FNDC3B: variants seen among roughly 807,000 people sequenced by gnomAD.
The protein encoded by FNDC3B is fibronectin type III domain-containing protein 3B.
A neutral mutation model predicts 151.5 loss-of-function variants in FNDC3B; 12 were observed. That is an observed-to-expected ratio of 0.08 (90% confidence interval 0.05 to 0.13). The LOEUF is 0.13. Among genes scored for constraint, FNDC3B ranks in the 10% least tolerant of loss-of-function variants. The probability of loss-of-function intolerance (pLI) is 1.00; values close to 1 mark genes in which losing one functional copy is unlikely to be tolerated. For missense variants in FNDC3B, 1,214 were observed against 1,505.3 expected, an observed-to-expected ratio of 0.81 and a Z score of 3.20; for synonymous variants, 528 against 549.0, an observed-to-expected ratio of 0.96 and a Z score of 0.54.
At chr3:172,313,046 T>C in intron 11 of FNDC3B, among the ~76,000 whole-genome samples, 1 of 152,318 alleles carries the variant, frequency 6.6e-6, no homozygotes, top group East Asian at 1.9e-4. Flanking sequence ...TCCTCTCACT[T>C]TTCTTAATTC....
Position 172,296,036 on chromosome 3 carries a change from C to T in FNDC3B, c.1001+522C>T, listed in dbSNP as rs185680990. Among the ~76,000 whole-genome samples, 182 of 152,246 alleles carry T rather than the reference C, an allele frequency of 1.2e-3. 2 individuals carry two copies. The highest frequency in any genetic ancestry group is 6.2e-3 in the South Asian group (30 of 4,826). On this transcript the variant is annotated intron_variant, in intron 8 of 25. Coordinates refer to ENST00000415807, the MANE Select transcript of FNDC3B (RefSeq NM_022763.4). ...TTTGGCTCACAGGGAAGGGATTAGC[C>T]CCTTCTGCTCTGTGGACTCCCAGGT...
At chr3:172,135,533 A>G (rs763868024) in intron 3 of FNDC3B, among the ~76,000 whole-genome samples, 1 of 152,162 alleles carries the variant, frequency 6.6e-6, no homozygotes, top group Non-Finnish European at 1.5e-5. Flanking sequence ...GGCTCCCTCC[A>G]GGCTTCCTAT....
chr3:172,335,189 A>G (rs575526354), intron 15 of FNDC3B, 107 bp downstream of exon 15: 123 of 1,219,972 alleles, frequency 1.0e-4, no homozygotes, highest in Non-Finnish European at 1.3e-4. Context: ...TGTGGATGGT[A>G]TTTGCAGAAG....
chr3:172,294,661 T>C (rs2108839519), intron 7 of FNDC3B, among the ~76,000 whole-genome samples: 1 of 152,308 alleles, frequency 6.6e-6, no homozygotes, highest in East Asian at 1.9e-4. Flanking sequence ...ATAAACAGGT[T>C]ACAGCTGTGG....
At chr3:172,196,040 C>T (rs1724804736) in intron 3 of FNDC3B, among the ~76,000 whole-genome samples, 1 of 152,126 alleles carries the variant, frequency 6.6e-6, no homozygotes, top group Non-Finnish European at 1.5e-5. Flanking sequence ...TTATAGAGGA[C>T]ACTTTCTGGG....
At chr3:172,086,502 G>T (rs1035406613) in intron 1 of FNDC3B, among the ~76,000 whole-genome samples, 1 of 152,266 alleles carries the variant, frequency 6.6e-6, no homozygotes, top group South Asian at 2.1e-4. Flanking sequence ...GGATAAATTA[G>T]ATTGTACAAT....
intron 4 of FNDC3B, among the ~76,000 whole-genome samples, chr3:172,233,222 A>G (rs1451181332): frequency 6.6e-6 from 1 of 152,244 alleles, no homozygotes; most frequent in African/African-American, 2.4e-5. Flanking sequence ...GCATATGAAG[A>G]GAAAAAGTGA....
Position 172,234,310 on chromosome 3 carries a change from A to C in FNDC3B, c.264+7363A>C, listed in dbSNP as rs80062558. 5.4e-3 allele frequency among the ~76,000 whole-genome samples: 822 copies of C among 152,356 alleles called. 6 individuals carry two copies. The highest frequency in any genetic ancestry group is 0.018 in the African/African-American group (761 of 41,578). On this transcript the variant is annotated intron_variant, in intron 4 of 25. Transcript: ENST00000415807. ...TTTTAGCATTTAAGTCCACAAAGGC[A>C]GGGACCTTGTGTGTCCTGTTCAGTC...
intron 3 of FNDC3B, among the ~76,000 whole-genome samples, chr3:172,214,184 G>A (rs1725867011): frequency 6.6e-6 from 1 of 152,134 alleles, no homozygotes; most frequent in South Asian, 2.1e-4. Context: ...CCTATTTGTA[G>A]TTGTTGTTTA....
intron 10 of FNDC3B, among the ~76,000 whole-genome samples, chr3:172,310,553 A>G (rs1267553851): frequency 6.6e-6 from 1 of 152,226 alleles, no homozygotes; most frequent in Non-Finnish European, 1.5e-5. Context: ...GTAGCGTACC[A>G]TGAGGGTGTA....
intron 3 of FNDC3B, among the ~76,000 whole-genome samples, chr3:172,135,102 T>C (rs1285101814): frequency 6.6e-6 from 1 of 152,134 alleles, no homozygotes; most frequent in African/African-American, 2.4e-5. Flanking sequence ...ATGGTAACAT[T>C]GGCACCCCAT....
chr3:172,124,956 T>C (rs761472023), intron 2 of FNDC3B, among the ~76,000 whole-genome samples: 22 of 152,294 alleles, frequency 1.4e-4, no homozygotes, highest in Middle Eastern at 3.4e-3. Context: ...CGAGAAAGGT[T>C]GAGTATTTGC....
rs1487538569 is a variant in FNDC3B at position 172,401,541 on chromosome 3, T to G, written c.*4066T>G. ...CCAAAACTCAGTCCAGATCTCCCTC[T>G]GTTCACCTGGCACACTGGGTGCTTC... On this transcript the variant is annotated 3_prime_UTR_variant, in exon 26 of 26. Coordinates refer to ENST00000415807, the MANE Select transcript of FNDC3B (RefSeq NM_022763.4). 1 of 152,330 alleles carries G rather than the reference T, an allele frequency of 6.6e-6. No homozygotes were observed. Among genetic ancestry groups the G allele is most frequent in the Non-Finnish European group, 1.5e-5 (1 of 68,124 alleles). 9.4% of individuals were successfully genotyped at this position (152,330 alleles called of 1,614,324 possible).
intron 22 of FNDC3B, among the ~76,000 whole-genome samples, chr3:172,361,093 G>A (rs1019451699): frequency 2.0e-5 from 3 of 151,992 alleles, no homozygotes; most frequent in African/African-American, 7.3e-5. Flanking sequence ...AGTCCTCCTA[G>A]GCCTCTGGAG....
chr3:172,319,714 A>G (rs758524792), intron 11 of FNDC3B, among the ~76,000 whole-genome samples: 32 of 152,142 alleles, frequency 2.1e-4, no homozygotes, highest in Non-Finnish European at 4.0e-4. Flanking sequence ...CCTCTTATAT[A>G]TGGTTATGCT....
intron 25 of FNDC3B, among the ~76,000 whole-genome samples, chr3:172,385,903 G>C (rs1018133556): frequency 1.3e-5 from 2 of 152,206 alleles, no homozygotes; most frequent in Middle Eastern, 3.4e-3. Flanking sequence ...CAAGTGCCAT[G>C]GCCTTTTCTG....
At chr3:172,296,622 A>T (rs1730619718) in intron 8 of FNDC3B, among the ~76,000 whole-genome samples, 1 of 152,218 alleles carries the variant, frequency 6.6e-6, no homozygotes, top group African/African-American at 2.4e-5. Context: ...TGTATTTAGG[A>T]TATTCCTAAC....
chr3:172,198,643 T>C (rs2108684677), intron 3 of FNDC3B, among the ~76,000 whole-genome samples: 1 of 152,180 alleles, frequency 6.6e-6, no homozygotes, highest in East Asian at 1.9e-4. Flanking sequence ...GATGTCTTCC[T>C]CCTGACTGTT....
chr3:172,189,214 AG>A (rs531665746), intron 3 of FNDC3B, among the ~76,000 whole-genome samples: 16 of 152,136 alleles, frequency 1.1e-4, no homozygotes, highest in Non-Finnish European at 1.9e-4. Flanking sequence ...GTGTTATTTT[AG>A]GGGGGAAGAT....
Sources: allele counts gnomAD v4.1 joint callset (sites outside exome capture counted in the v4.1 genomes callset), GRCh38; gene constraint gnomAD v4.1.1; transcripts MANE v1.5; gene names NCBI Gene and HGNC (gene_info 2026-07-23, HGNC 2026-07-21).